Variants in SCYL3 observed in about 807,000 individuals in gnomAD.
SCYL3 encodes the protein SCY1 like pseudokinase 3.
A neutral mutation model predicts 73.8 loss-of-function variants in SCYL3; 35 were observed. The observed-to-expected ratio is 0.47, with a 90% CI of 0.36 to 0.63. SCYL3 has a LOEUF of 0.63. Among genes scored for constraint, SCYL3 ranks in the 20% least tolerant of loss-of-function variants. The probability of loss-of-function intolerance (pLI) is 0.00; values close to 1 mark genes in which losing one functional copy is unlikely to be tolerated. For missense variants in SCYL3, 712 were observed against 798.9 expected, an observed-to-expected ratio of 0.89 and a Z score of 1.31; for synonymous variants, 277 against 295.2, an observed-to-expected ratio of 0.94 and a Z score of 0.63.
intron 2 of SCYL3, among the ~76,000 whole-genome samples, chr1:169,887,079 CT>C (rs1437893526): frequency 2.6e-5 from 4 of 152,114 alleles, no homozygotes; most frequent in African/African-American, 9.7e-5. Flanking sequence ...GTGCTATGAC[CT>C]AGTTTTTTAA....
chr1:169,870,156 C>G, intron 6 of SCYL3, 99 bp downstream of exon 6: 2 of 850,012 alleles, frequency 2.4e-6, no homozygotes, highest in South Asian at 4.0e-5. Context: ...AGATTCCTTA[C>G]TGTGCTCAAA....
rs1235102644 is a variant in SCYL3, at chr1:169,878,683, C to G, written c.302G>C (p.Cys101Ser). 6.2e-7 allele frequency: 1 copy of G among 1,614,176 alleles called. No individual in the cohort carries two copies. Among genetic ancestry groups the G allele is most frequent in the African/African-American group, 1.3e-5 (1 of 75,058 alleles). The change falls in exon 3 of 13, where the codon TGT becomes TCT. Residue 101 changes from cysteine to serine, a missense_variant. Physicochemically the swap from Cys to Ser is moderately radical, Grantham distance 112. This residue lies in a region of SCYL3 where 342 missense variants were observed against 448.1 expected (regional missense o/e 0.76). Transcript: ENST00000367771. ...ALETLSSAEVCAGIYDILLAL... is the reference protein window; with the variant it reads ...ALETLSSAEVSAGIYDILLAL... Reference sequence around the variant, plus strand: ...CAGCAATATGTCATAGATCCCAGCACAGACCTCTGCAGAAGACAATGTTTC... The same window carrying G: ...CAGCAATATGTCATAGATCCCAGCAGAGACCTCTGCAGAAGACAATGTTTC...
chr1:169,870,263 T>C lies in SCYL3; in HGVS notation c.617A>G (p.Asn206Ser). The change falls in exon 6 of 13, where the codon AAT (asparagine) becomes AGT (serine). Residue 206 changes from asparagine (N) to serine (S), a missense_variant. Around this residue, in one of 2 missense-constraint regions of SCYL3, gnomAD observed 342 missense variants for 448.1 expected, o/e 0.76. Transcript: ENST00000367771. Reference sequence around the variant, plus strand: ...GTATAACTCCAACTCACCCTGTTCATTTAAGATTGTGAGCAAACTTTCCAC... The same window carrying C: ...GTATAACTCCAACTCACCCTGTTCACTTAAGATTGTGAGCAAACTTTCCAC... ...TLVESLLTILNEQVSADVLSS... is the reference protein window; with the variant it reads ...TLVESLLTILSEQVSADVLSS... 6.2e-7 allele frequency: 1 copy of C among 1,611,048 alleles called. No homozygotes were observed. The highest frequency in any genetic ancestry group is 2.2e-5 in the East Asian group (1 of 44,830).
chr1:169,856,494 A>C (rs1238263107), intron 11 of SCYL3, among the ~76,000 whole-genome samples: 1 of 152,182 alleles, frequency 6.6e-6, no homozygotes, highest in African/African-American at 2.4e-5. Flanking sequence ...GGCATTGGTC[A>C]ATCAATTTTT....
intron 10 of SCYL3, among the ~76,000 whole-genome samples, chr1:169,861,465 C>G (rs1311553450): frequency 6.6e-6 from 1 of 152,238 alleles, no homozygotes; most frequent in Admixed American, 6.5e-5. Flanking sequence ...TCAGCCACCC[C>G]TTCCAAGATA....
chr1:169,881,970 C>T (rs774047839), intron 2 of SCYL3, among the ~76,000 whole-genome samples: 16 of 152,254 alleles, frequency 1.1e-4, no homozygotes, highest in African/African-American at 2.7e-4. Context: ...AGCCCTCGCT[C>T]GCTCTCGGCG....
At chr1:169,868,249 A>G (rs1344038923) in intron 7 of SCYL3, among the ~76,000 whole-genome samples, 1 of 152,200 alleles carries the variant, frequency 6.6e-6, no homozygotes, top group African/African-American at 2.4e-5. Flanking sequence ...CTCAAGCTCT[A>G]AATGCAAACA....
chr1:169,883,923 T>C (rs946235654), intron 2 of SCYL3, among the ~76,000 whole-genome samples: 1 of 152,108 alleles, frequency 6.6e-6, no homozygotes, highest in African/African-American at 2.4e-5. Context: ...GGTTTCACTA[T>C]GTTGGCCAGG....
intron 2 of SCYL3, among the ~76,000 whole-genome samples, chr1:169,882,449 C>T (rs1661351727): frequency 6.6e-6 from 1 of 152,324 alleles, no homozygotes; most frequent in Middle Eastern, 3.4e-3. Flanking sequence ...GCCCCCTGCT[C>T]CACGGAGCCC....
At chr1:169,866,844 T>C in intron 8 of SCYL3, 52 bp downstream of exon 8, 1 of 992,960 alleles carries the variant, frequency 1.0e-6, no homozygotes, top group Non-Finnish European at 1.6e-6. Flanking sequence ...AAAGTGATTA[T>C]ATGGACTTAA....
At chr1:169,880,587 A>C (rs1012674888) in intron 2 of SCYL3, among the ~76,000 whole-genome samples, 1 of 88,886 alleles carries the variant, frequency 1.1e-5, no homozygotes, top group East Asian at 2.0e-4. Flanking sequence ...AAATAAAAGC[A>C]CTTTTGGTGA....
At chr1:169,872,147 G>A (rs1376074955) in intron 5 of SCYL3, among the ~76,000 whole-genome samples, 1 of 152,256 alleles carries the variant, frequency 6.6e-6, no homozygotes, top group Non-Finnish European at 1.5e-5. Context: ...CAGGCCTGCA[G>A]GCCTAGGAGG....
Position 169,878,706 on chromosome 1 carries a change from T to G in SCYL3, c.279A>C (p.Glu93Asp), listed in dbSNP as rs747653379. Residue 93 changes from glutamate to aspartate, a missense_variant, in exon 3 of 13, where the codon GAA becomes GAC. Glu to Asp is a conservative substitution (Grantham distance 45, BLOSUM62 2). Transcript: ENST00000367771. ...CACAGACCTCTGCAGAAGACAATGT[T>G]TCCAAAGCCACTTCCAGGGGCTGTA... ...ERVQPLEVAL[E>D]TLSSAEVCAG... is the part of the protein sequence containing the mutation. 5.6e-6 allele frequency: 9 copies of G among 1,614,056 alleles called. No individual in the cohort carries two copies. The highest frequency in any genetic ancestry group is 7.6e-6 in the Non-Finnish European group (9 of 1,179,946).
At chr1:169,892,761 A>C (rs962383572) in intron 1 of SCYL3, among the ~76,000 whole-genome samples, 2 of 152,220 alleles carry the variant, frequency 1.3e-5, no homozygotes, top group Non-Finnish European at 2.9e-5. Flanking sequence ...AGATTAAGAA[A>C]ACCCTTGTCT....
Position 169,862,693 on chromosome 1 carries a change from G to A in SCYL3, c.1060C>T (p.Arg354Trp). The change falls in exon 10 of 13, where the codon CGG (arginine) becomes TGG (tryptophan). Residue 354 changes from arginine (R) to tryptophan (W), a missense_variant. Around this residue, in one of 2 missense-constraint regions of SCYL3, gnomAD observed 342 missense variants for 448.1 expected, o/e 0.76. Coordinates refer to ENST00000367771, the MANE Select transcript of SCYL3 (RefSeq NM_020423.7). ...QLFEVHEEHV[R>W]MVLLSHIEAY... ...TCGATGTGAGACAGCAGCACCATCC[G>A]CACATGCTCTTCATGAACTTCAAAC... is the stretch of plus-strand genomic sequence containing the variant. 1.9e-6 allele frequency: 3 copies of A among 1,614,122 alleles called. No individual in the cohort carries two copies. The highest frequency in any genetic ancestry group is 2.5e-6 in the Non-Finnish European group (3 of 1,180,022).
intron 11 of SCYL3, among the ~76,000 whole-genome samples, chr1:169,858,125 ATAACTT>A (rs1659336279): frequency 6.6e-6 from 1 of 152,326 alleles, no homozygotes; most frequent in African/African-American, 2.4e-5. Flanking sequence ...GTTATTTACT[ATAACTT>A]TATAAACTTT....
chr1:169,853,856 T>TAA, intron 12 of SCYL3, 84 bp from the exon 13 acceptor site: 1 of 1,486,838 alleles, frequency 6.7e-7, no homozygotes. Flanking sequence ...AGCAGGAATT[T>TAA]AAAATTTATC....
rs770644533 is a variant in SCYL3 at position 169,853,621 on chromosome 1, G to C, written c.*92C>G. 136 of 1,349,026 alleles carry C rather than the reference G, an allele frequency of 1.0e-4. No homozygotes were observed. The highest frequency in any genetic ancestry group is 1.4e-4 in the Non-Finnish European group (130 of 958,138). The allele number at this position is 1,349,026 out of a possible 1,614,324, so 83.6% of individuals were successfully genotyped here. A position where few individuals can be genotyped will look rare whatever the true frequency, so the allele number is the denominator to read the frequency against. On this transcript the variant is annotated 3_prime_UTR_variant, in exon 13 of 13. Transcript: ENST00000367771. ...TGGGATGGGAAAAGCAGGCCACTTT[G>C]GGGTTTTCTTGTCCCAAAGCCTGCT... is the stretch of plus-strand genomic sequence containing the variant.
At chr1:169,873,780 T>C (rs1451930015) in intron 4 of SCYL3, 28 bp from the exon 5 acceptor site, 2 of 1,515,896 alleles carry the variant, frequency 1.3e-6, no homozygotes, top group African/African-American at 1.4e-5. Context: ...TTAAAGAAAA[T>C]GATTCATACA....
Sources: allele counts gnomAD v4.1 joint callset (sites outside exome capture counted in the v4.1 genomes callset), GRCh38; gene constraint gnomAD v4.1.1; regional missense constraint gnomAD v4.1.1; transcripts MANE v1.5; gene names NCBI Gene and HGNC (gene_info 2026-07-23, HGNC 2026-07-21).